TNMD: variants seen among roughly 807,000 people sequenced by gnomAD.
TNMD encodes tenomodulin.
Under a neutral mutation model 26.9 loss-of-function variants are expected in TNMD, and 15 were observed. That is an observed-to-expected ratio of 0.56 (90% confidence interval 0.37 to 0.86). The LOEUF (loss-of-function observed/expected upper bound fraction) is 0.86. TNMD is among the 40% of genes least tolerant of loss of function. The probability of loss-of-function intolerance (pLI) is 0.00; values close to 1 mark genes in which losing one functional copy is unlikely to be tolerated. For synonymous variants in TNMD, 73 were observed against 77.0 expected (o/e 0.95, Z 0.27); for missense variants, 222 against 242.6 (o/e 0.92, Z 0.56).
chrX:100,594,408 G>C (rs201176774), intron 4 of TNMD, 46 bp downstream of exon 4: 3 of 856,266 alleles, frequency 3.5e-6, no homozygotes, highest in Admixed American at 5.1e-5. Context: ...TCATTTATTG[G>C]ATGCTAGCTA....
At chrX:100,589,491 AT>A (rs1423775544) in intron 2 of TNMD, among the ~76,000 whole-genome samples, 1 of 111,143 alleles carries the variant, frequency 9.0e-6, no homozygotes, top group Non-Finnish European at 1.9e-5. Flanking sequence ...GCTCCCAGCA[AT>A]TATGTGGAGC....
At chrX:100,598,786 G>T (rs182098720) in intron 5 of TNMD, among the ~76,000 whole-genome samples, 4 of 112,171 alleles carry the variant, frequency 3.6e-5, no homozygotes, top group African/African-American at 1.3e-4. Flanking sequence ...AGCAGTAAAT[G>T]TTTGATGCCA....
intron 2 of TNMD, among the ~76,000 whole-genome samples, chrX:100,592,165 A>T (rs1024124523): frequency 2.5e-4 from 28 of 111,826 alleles, no homozygotes; most frequent in Middle Eastern, 9.2e-3. Flanking sequence ...TATTTCTAAC[A>T]AAATTCCCCC....
intron 5 of TNMD, among the ~76,000 whole-genome samples, chrX:100,597,992 A>C (rs1430735010): frequency 4.0e-5 from 4 of 99,092 alleles, no homozygotes; most frequent in African/African-American, 1.4e-4. Flanking sequence ...TGTGGGTCCA[A>C]CCCAAGAATA....
At chrX:100,597,797 C>A in intron 5 of TNMD, 140 bp downstream of exon 5, 2 of 608,195 alleles carry the variant, frequency 3.3e-6, no homozygotes, top group Admixed American at 3.9e-5. Context: ...ATGCTGACTG[C>A]CAGTGAGGAG....
intron 2 of TNMD, among the ~76,000 whole-genome samples, chrX:100,586,161 C>T (rs772765992): frequency 5.9e-4 from 67 of 112,761 alleles, no homozygotes; most frequent in African/African-American, 1.9e-3. Flanking sequence ...ATAGTCCCTT[C>T]ATGCTCACAA....
At chrX:100,595,624 C>T (rs1252240018) in intron 4 of TNMD, among the ~76,000 whole-genome samples, 1 of 109,896 alleles carries the variant, frequency 9.1e-6, no homozygotes, top group East Asian at 2.8e-4. Flanking sequence ...CTTTCCCTTA[C>T]CCAAGTCTTA....
In TNMD at chrX:100,593,629, C is replaced by T. The variant is rs768083408; in HGVS notation, c.181-266C>T. The T allele has an allele frequency of 3.7e-5, 8 of 216,615 alleles. No homozygotes were observed. The South Asian group carries it at 1.4e-3, about 38-fold the overall frequency. 17.9% of individuals were successfully genotyped at this position (216,615 alleles called of 1,213,427 possible). On this transcript the variant is annotated intron_variant, in intron 2 of 6. Coordinates refer to ENST00000373031, the MANE Select transcript of TNMD (RefSeq NM_022144.3). ...TAGCACTTGGAAAGGGAAGTGGTAG[C>T]TTAAAGAAGCAGCATAGGTTTTAGG... is the stretch of plus-strand genomic sequence containing the variant.
chrX:100,598,357 C>A (rs1302515959), intron 5 of TNMD, among the ~76,000 whole-genome samples: 1 of 111,445 alleles, frequency 9.0e-6, no homozygotes, highest in Non-Finnish European at 1.9e-5. Flanking sequence ...AAAAAGGTGA[C>A]TAAATGCAGT....
chrX:100,593,194 A>G (rs1364767195), intron 2 of TNMD: 1 of 211,281 alleles, frequency 4.7e-6, no homozygotes, highest in Non-Finnish European at 6.9e-6. Flanking sequence ...GGGAGGCTCC[A>G]TGTTACTTAA....
At chrX:100,591,328 T>C (rs2082936935) in intron 2 of TNMD, among the ~76,000 whole-genome samples, 1 of 111,765 alleles carries the variant, frequency 8.9e-6, no homozygotes, top group African/African-American at 3.3e-5. Flanking sequence ...GTCTCTGCTT[T>C]AGCTTGCTCC....
chrX:100,595,712 C>G (rs982049020), intron 4 of TNMD, among the ~76,000 whole-genome samples: 1 of 110,431 alleles, frequency 9.1e-6, no homozygotes, highest in Admixed American at 9.7e-5. Context: ...ACCCTTGTTA[C>G]TAGAATTTGC....
intron 4 of TNMD, 46 bp from the exon 5 acceptor site, chrX:100,597,458 C>T: frequency 8.4e-7 from 1 of 1,187,770 alleles, no homozygotes; most frequent in Non-Finnish European, 1.1e-6. Context: ...ACTTGTTCTA[C>T]TAATTTCTCT....
intron 1 of TNMD, 58 bp downstream of exon 1, chrX:100,585,124 AT>A: frequency 1.7e-6 from 2 of 1,183,576 alleles, no homozygotes; most frequent in Non-Finnish European, 2.3e-6. Flanking sequence ...CAGATTTATC[AT>A]ATTGCAAAGT....
At chrX:100,591,239 C>G (rs2082936641) in intron 2 of TNMD, among the ~76,000 whole-genome samples, 1 of 111,870 alleles carries the variant, frequency 8.9e-6, no homozygotes, top group African/African-American at 3.2e-5. Flanking sequence ...TCTATCCTCC[C>G]TGGAATAAAG....
chrX:100,599,305 T>A lies in TNMD; in HGVS notation c.744+123T>A, dbSNP rs941760280. ...CATGGCTTTAACAAAAAAAAAAAAA[T>A]GTTTAAGAAACTTGGAATCTCCAGG... On this transcript the variant is annotated intron_variant, in intron 6 of 6. Coordinates refer to ENST00000373031, the MANE Select transcript of TNMD (RefSeq NM_022144.3). The A allele has an allele frequency of 7.3e-6, 5 of 687,489 alleles. No homozygotes were observed. The African/African-American group carries it at 9.2e-5, about 13-fold the overall frequency. 56.7% of individuals were successfully genotyped at this position (687,489 alleles called of 1,213,427 possible).
chrX:100,598,025 T>C (rs1439337047), intron 5 of TNMD, among the ~76,000 whole-genome samples: 1 of 111,988 alleles, frequency 8.9e-6, no homozygotes, highest in African/African-American at 3.2e-5. Context: ...GCAAAAACAA[T>C]GCTCTGCTAT....
chrX:100,588,254 T>A (rs1286060532), intron 2 of TNMD, among the ~76,000 whole-genome samples: 2 of 110,660 alleles, frequency 1.8e-5, no homozygotes, highest in East Asian at 5.8e-4. Context: ...CTCACATACC[T>A]CAGGTCTGCG....
Position 100,597,501 on chromosome X carries a change from C to T in TNMD, c.424-3C>T, listed in dbSNP as rs771369045. ...CCTACCCTAAGCTACTTTCTTCTTT[C>T]AGAATGAAGAAATTACCACAACTTT... On this transcript the variant is annotated splice_region_variant and splice_polypyrimidine_tract_variant and intron_variant, in intron 4 of 6. Transcript: ENST00000373031. The T allele has an allele frequency of 1.7e-6, 2 of 1,210,995 alleles. No individual in the cohort carries two copies. The highest frequency in any genetic ancestry group is 3.5e-5 in the South Asian group (2 of 56,766).
Sources: gnomAD v4.1 joint callset for allele counts (sites outside exome capture counted in the v4.1 genomes callset) on GRCh38, gnomAD v4.1.1 for gene constraint, MANE v1.5 for transcripts, NCBI Gene and HGNC (gene_info 2026-07-23, HGNC 2026-07-21) for gene names.